The following CNTN4 variants were observed in gnomAD, a reference collection of about 807,000 sequenced individuals.
CNTN4 encodes contactin 4.
CNTN4 carries 77 observed loss-of-function variants against 122.5 expected under a neutral mutation model. The observed-to-expected ratio is 0.63, with a 90% CI of 0.52 to 0.76. The LOEUF (loss-of-function observed/expected upper bound fraction) is 0.76. CNTN4 is among the 30% of genes least tolerant of loss of function. The pLI is 0.00. For synonymous variants in CNTN4, 512 were observed against 447.0 expected (o/e 1.15, Z -1.83); for missense variants, 1,256 against 1,259.1 (o/e 1.00, Z 0.04).
intron 2 of CNTN4, among the ~76,000 whole-genome samples, chr3:2,121,111 C>T (rs1235604652): frequency 3.3e-5 from 5 of 151,504 alleles, no homozygotes. Flanking sequence ...TTCCTTCCTT[C>T]TCTCCCTCCC....
intron 23 of CNTN4, among the ~76,000 whole-genome samples, chr3:3,044,826 G>C (rs1435906067): frequency 6.6e-6 from 1 of 152,226 alleles, no homozygotes; most frequent in African/African-American, 2.4e-5. Context: ...CCTCACCTGG[G>C]AAGGGCAAAG....
chr3:2,383,333 A>G (rs1267713633), intron 3 of CNTN4, among the ~76,000 whole-genome samples: 5 of 152,192 alleles, frequency 3.3e-5, no homozygotes, highest in African/African-American at 9.6e-5. Context: ...AACCATTTAT[A>G]GTGATGATGA....
At chr3:2,961,060 C>T (rs1356969664) in intron 13 of CNTN4, among the ~76,000 whole-genome samples, 2 of 143,386 alleles carry the variant, frequency 1.4e-5, no homozygotes, top group Non-Finnish European at 1.5e-5. Flanking sequence ...GAAACCCCGT[C>T]TCTACTAAAA....
intron 14 of CNTN4, among the ~76,000 whole-genome samples, chr3:3,007,669 C>G (rs569483166): frequency 2.6e-5 from 4 of 152,194 alleles, no homozygotes; most frequent in African/African-American, 9.6e-5. Flanking sequence ...GAGAGAATAC[C>G]AGTGTGGTAA....
At chr3:2,648,344 G>A (rs1363768429) in intron 4 of CNTN4, among the ~76,000 whole-genome samples, 2 of 152,214 alleles carry the variant, frequency 1.3e-5, no homozygotes, top group Non-Finnish European at 2.9e-5. Context: ...CAAACTGAAG[G>A]TTTGTGCCAA....
intron 3 of CNTN4, among the ~76,000 whole-genome samples, chr3:2,430,090 C>T (rs749679211): frequency 1.6e-4 from 24 of 152,040 alleles, no homozygotes; most frequent in Admixed American, 1.4e-3. Context: ...ACCCGCTGTC[C>T]GACAATCCCC....
At chr3:2,486,346 C>T (rs980609822) in intron 3 of CNTN4, among the ~76,000 whole-genome samples, 39 of 152,156 alleles carry the variant, frequency 2.6e-4, no homozygotes, top group African/African-American at 8.9e-4. Context: ...AAGAACCCAC[C>T]AATTCCAGAT....
rs893984131 is a variant in CNTN4 at position 2,278,953 on chromosome 3, C to G, written c.-144-60225C>G. On this transcript the variant is annotated intron_variant, in intron 2 of 24. Coordinates refer to ENST00000418658, the MANE Select transcript of CNTN4 (RefSeq NM_175607.3). ...CTAAGTTAGGCTTAGAAGGAAATGACTCCCTGTTAGCTTTGAAGGTTGAGC... is the reference window on the plus strand; with the variant it reads ...CTAAGTTAGGCTTAGAAGGAAATGAGTCCCTGTTAGCTTTGAAGGTTGAGC... Among the ~76,000 whole-genome samples, 4 of 151,868 alleles carry G rather than the reference C, an allele frequency of 2.6e-5. No homozygotes were observed. In the East Asian group the frequency reaches 7.7e-4, roughly 29 times the overall value.
At chr3:3,022,090 AAG>A (rs1274791395) in intron 14 of CNTN4, among the ~76,000 whole-genome samples, 1 of 138,998 alleles carries the variant, frequency 7.2e-6, no homozygotes, top group Non-Finnish European at 1.6e-5. Context: ...AAAAAAAAAA[AAG>A]AATTAGTTGG....
At position 2,472,490 on chromosome 3, in the gene CNTN4, C is replaced by T. The variant is rs142222656; in HGVS notation, c.-88-98926C>T. 5.0e-3 allele frequency among the ~76,000 whole-genome samples: 754 copies of T among 152,232 alleles called. 5 individuals carry two copies. Among genetic ancestry groups the T allele is most frequent in the Non-Finnish European group, 8.1e-3 (552 of 68,028 alleles). On this transcript the variant is annotated intron_variant, in intron 3 of 24. Coordinates refer to ENST00000418658, the MANE Select transcript of CNTN4 (RefSeq NM_175607.3). ...CTGGCCTCATGTGATCCACCTGCCTCGGCGTCCCAAAGTGCTGGGATTACT... is the reference window on the plus strand; with the variant it reads ...CTGGCCTCATGTGATCCACCTGCCTTGGCGTCCCAAAGTGCTGGGATTACT...
intron 3 of CNTN4, among the ~76,000 whole-genome samples, chr3:2,342,711 C>T (rs2044255445): frequency 6.6e-6 from 1 of 152,178 alleles, no homozygotes; most frequent in African/African-American, 2.4e-5. Context: ...ACTTTGTTGG[C>T]TTCTCCTTCC....
At chr3:2,111,494 A>C (rs139626712) in intron 2 of CNTN4, among the ~76,000 whole-genome samples, 1 of 152,138 alleles carries the variant, frequency 6.6e-6, no homozygotes, top group Non-Finnish European at 1.5e-5. Context: ...CCCCAAAATA[A>C]TGAATCCCAT....
chr3:2,194,832 A>T (rs1031226502), intron 2 of CNTN4, among the ~76,000 whole-genome samples: 24 of 152,174 alleles, frequency 1.6e-4, no homozygotes, highest in Non-Finnish European at 3.1e-4. Flanking sequence ...TTCGTGACAA[A>T]TTTTAGAGGG....
intron 3 of CNTN4, among the ~76,000 whole-genome samples, chr3:2,531,311 G>A (rs2077586610): frequency 6.6e-6 from 1 of 152,104 alleles, no homozygotes; most frequent in Non-Finnish European, 1.5e-5. Flanking sequence ...AGCTTGGGCG[G>A]GTAGGCCTGG....
At chr3:2,895,584 C>G (rs950277677) in intron 10 of CNTN4, among the ~76,000 whole-genome samples, 1 of 152,172 alleles carries the variant, frequency 6.6e-6, no homozygotes, top group Non-Finnish European at 1.5e-5. Context: ...ATCTCCCATA[C>G]CATTGCCAGA....
Position 2,822,391 on chromosome 3 carries a change from G to A in CNTN4, c.454+2810G>A, listed in dbSNP as rs139730894. ...TTCTATCAACACATAATTATAACTC[G>A]ATAAGGGCTAAACATCTTGTTTATC... On this transcript the variant is annotated intron_variant, in intron 7 of 24. Transcript: ENST00000418658. Among the ~76,000 whole-genome samples, 705 of 152,214 alleles carry A rather than the reference G, an allele frequency of 4.6e-3. 7 individuals are homozygous for A. Among genetic ancestry groups the A allele is most frequent in the African/African-American group, 0.015 (625 of 41,538 alleles).
chr3:2,126,583 G>A (rs1160976477), intron 2 of CNTN4, among the ~76,000 whole-genome samples: 6 of 152,162 alleles, frequency 3.9e-5, no homozygotes, highest in Non-Finnish European at 8.8e-5. Context: ...GTAGCCCTGT[G>A]CTTGATGGTG....
intron 13 of CNTN4, among the ~76,000 whole-genome samples, chr3:2,964,402 G>A (rs139831149): frequency 6.6e-6 from 1 of 152,076 alleles, no homozygotes; most frequent in African/African-American, 2.4e-5. Context: ...TCACCAAATT[G>A]CTTAGTAACT....
Position 3,018,937 on chromosome 3 carries a change from C to T in CNTN4, c.1487-7165C>T, listed in dbSNP as rs1019960997. ...GAATAATAGTAAAATGTAAAACATA[C>T]GAAGAGCCCAACTTAAAAGGACTCC... On this transcript the variant is annotated intron_variant, in intron 14 of 24. Coordinates refer to ENST00000418658, the MANE Select transcript of CNTN4 (RefSeq NM_175607.3). Among the ~76,000 whole-genome samples, 9 of 152,082 alleles carry T rather than the reference C, an allele frequency of 5.9e-5. 1 individual carries two copies. The highest frequency in any genetic ancestry group is 3.3e-4 in the Admixed American group (5 of 15,272).
Sources: allele counts gnomAD v4.1 joint callset (sites outside exome capture counted in the v4.1 genomes callset), GRCh38; gene constraint gnomAD v4.1.1; transcripts MANE v1.5; gene names NCBI Gene and HGNC (gene_info 2026-07-23, HGNC 2026-07-21).